CNTLN: variants seen among roughly 807,000 people sequenced by gnomAD.
CNTLN encodes centlein, centrosomal protein.
CNTLN carries 212 observed loss-of-function variants against 180.0 expected under a neutral mutation model. That is an observed-to-expected ratio of 1.18 (90% CI 1.05 to 1.32). The LOEUF (loss-of-function observed/expected upper bound fraction) is 1.32, where lower values mean the gene tolerates loss of function less well. CNTLN is among the 40% of genes most tolerant of loss of function. The probability of loss-of-function intolerance (pLI) is 0.00; values close to 1 mark genes in which losing one functional copy is unlikely to be tolerated. For synonymous variants in CNTLN, 722 were observed against 563.1 expected (o/e 1.28, Z -3.99); for missense variants, 2,095 against 1,610.9 (o/e 1.30, Z -5.14).
At chr9:17,507,764 G>A (rs1833958103), downstream of CNTLN, among the ~76,000 whole-genome samples, 1 of 151,790 alleles carries the variant, frequency 6.6e-6, no homozygotes, top group Non-Finnish European at 1.5e-5. Context: ...ATTTTTTTCT[G>A]CTCACCAAGG....
intron 5 of CNTLN, among the ~76,000 whole-genome samples, chr9:17,249,541 G>T (rs1587332956): frequency 6.6e-6 from 1 of 151,820 alleles, no homozygotes; most frequent in African/African-American, 2.4e-5. Flanking sequence ...AGTAGAGACA[G>T]TGTTTCACCA....
intron 13 of CNTLN, among the ~76,000 whole-genome samples, chr9:17,377,160 T>C (rs2133551950): frequency 6.6e-6 from 1 of 152,350 alleles, no homozygotes; most frequent in Middle Eastern, 3.4e-3. Flanking sequence ...TCTCTCTATA[T>C]AACGAATTCA....
At chr9:17,428,394 A>G (rs1220274999) in intron 18 of CNTLN, among the ~76,000 whole-genome samples, 1 of 152,184 alleles carries the variant, frequency 6.6e-6, no homozygotes, top group Non-Finnish European at 1.5e-5. Context: ...AATTTTCACA[A>G]CATCCCTGTG....
chr9:17,508,926 C>A, the CNTLN span, among the ~76,000 whole-genome samples: 1 of 152,076 alleles, frequency 6.6e-6, no homozygotes, highest in South Asian at 2.1e-4. Context: ...TTAGATGGAC[C>A]CCTCTGAATG....
At chr9:17,301,376 T>C (rs1818336977) in intron 7 of CNTLN, 2 of 985,330 alleles carry the variant, frequency 2.0e-6, no homozygotes, top group South Asian at 9.4e-5. Flanking sequence ...GATGGGGTTA[T>C]GTTGTGTTTG....
Position 17,394,870 on chromosome 9 carries a change from A to C in CNTLN, c.2416A>C (p.Lys806Gln). 1.2e-6 allele frequency: 2 copies of C among 1,614,052 alleles called. No homozygotes were observed. The change falls in exon 15 of 26, where the codon AAA becomes CAA. Residue 806 changes from lysine (K) to glutamine (Q), a missense_variant. Coordinates refer to ENST00000380647, the MANE Select transcript of CNTLN (RefSeq NM_017738.4). ...EKSHQSADRA[K>Q]SEMATMKVRS... ...ATCACACCAGTCAGCAGACAGAGCT[A>C]AATCCGAGATGGCCACCATGAAAGT... is the stretch of plus-strand genomic sequence containing the variant.
intron 25 of CNTLN, among the ~76,000 whole-genome samples, chr9:17,492,417 A>C (rs1339915961): frequency 6.6e-6 from 1 of 152,108 alleles, no homozygotes; most frequent in Non-Finnish European, 1.5e-5. Flanking sequence ...TTCTGCCTGG[A>C]AGTTCTTTAT....
chr9:17,418,162 A>G (rs1028700308), intron 18 of CNTLN, among the ~76,000 whole-genome samples: 3 of 151,998 alleles, frequency 2.0e-5, no homozygotes, highest in African/African-American at 7.2e-5. Flanking sequence ...AAGGTCCAAG[A>G]ACATCTAATA....
At chr9:17,403,460 A>G (rs1321546396) in intron 15 of CNTLN, among the ~76,000 whole-genome samples, 1 of 151,716 alleles carries the variant, frequency 6.6e-6, no homozygotes, top group Non-Finnish European at 1.5e-5. Context: ...TCCCAAAAAA[A>G]AGCTTCATTC....
At chr9:17,422,797 A>T (rs546049072) in intron 18 of CNTLN, among the ~76,000 whole-genome samples, 47 of 152,198 alleles carry the variant, frequency 3.1e-4, no homozygotes, top group African/African-American at 9.2e-4. Flanking sequence ...CTGGGCATGA[A>T]AGTGTTAGGT....
chr9:17,410,325 T>C (rs1587920251), intron 16 of CNTLN, among the ~76,000 whole-genome samples: 2 of 152,322 alleles, frequency 1.3e-5, no homozygotes, highest in East Asian at 1.9e-4. Context: ...CTCATGGTTA[T>C]TGGGCATTTG....
chr9:17,516,541 G>A, the CNTLN span, among the ~76,000 whole-genome samples: 1 of 152,152 alleles, frequency 6.6e-6, no homozygotes, highest in Non-Finnish European at 1.5e-5. Context: ...GACAAAGGGG[G>A]AGTCTGACTT....
chr9:17,315,923 A>G lies in CNTLN; in HGVS notation c.1341+6671A>G, dbSNP rs542235752. ...CTAAGAGAGATGTTGAATTTTTCCA[A>G]CCATACTTGTAGGTTTGTCTATTTC... On this transcript the variant is annotated intron_variant, in intron 8 of 25. Transcript: ENST00000380647. Among the ~76,000 whole-genome samples, 70 of 150,332 alleles carry G rather than the reference A, an allele frequency of 4.7e-4. 1 individual carries two copies. Among genetic ancestry groups the G allele is most frequent in the African/African-American group, 1.6e-3 (67 of 41,084 alleles).
rs554202886 is a variant in CNTLN at position 17,230,667 on chromosome 9, A to G, written c.534+4380A>G. On this transcript the variant is annotated intron_variant, in intron 3 of 25. Transcript: ENST00000380647. ...TGATGGCAGGCCTTGGTAAGAAGAA[A>G]AGAATACTCTGAGTGTGTTTAAAGA... Among the ~76,000 whole-genome samples the G allele has an allele frequency of 3.9e-5, 6 of 152,124 alleles. No homozygotes were observed. In the South Asian group the frequency reaches 1.0e-3, roughly 26 times the overall value.
intron 5 of CNTLN, among the ~76,000 whole-genome samples, chr9:17,254,151 G>T (rs1826326436): frequency 6.6e-6 from 1 of 151,504 alleles, no homozygotes; most frequent in Admixed American, 6.6e-5. Context: ...GTATTATGAT[G>T]TTGACCATCT....
At chr9:17,507,541 G>C (rs372630684), downstream of CNTLN, among the ~76,000 whole-genome samples, 1 of 152,060 alleles carries the variant, frequency 6.6e-6, no homozygotes, top group Non-Finnish European at 1.5e-5. Flanking sequence ...ATAGTAATTC[G>C]GTTTTTAGTT....
intron 5 of CNTLN, among the ~76,000 whole-genome samples, chr9:17,246,335 C>T (rs983157271): frequency 9.2e-5 from 14 of 152,090 alleles, no homozygotes; most frequent in African/African-American, 1.4e-4. Flanking sequence ...GTGTGATATC[C>T]GGGAGAATTT....
chr9:17,316,735 C>CT (rs1563988441), intron 8 of CNTLN, among the ~76,000 whole-genome samples: 2 of 151,912 alleles, frequency 1.3e-5, no homozygotes, highest in African/African-American at 4.8e-5. Flanking sequence ...CTATTACTGC[C>CT]TTTTTTTGTA....
intron 8 of CNTLN, among the ~76,000 whole-genome samples, chr9:17,311,214 G>A (rs897737988): frequency 1.3e-5 from 2 of 151,456 alleles, no homozygotes; most frequent in Admixed American, 1.3e-4. Context: ...TAGTATAGAC[G>A]GGGTTTCACC....
Sources: allele counts gnomAD v4.1 joint callset (sites outside exome capture counted in the v4.1 genomes callset), GRCh38; gene constraint gnomAD v4.1.1; transcripts MANE v1.5; gene names NCBI Gene and HGNC (gene_info 2026-07-23, HGNC 2026-07-21).